The following MSRA variants were observed in gnomAD, a reference collection of about 807,000 sequenced individuals.
MSRA encodes mitochondrial peptide methionine sulfoxide reductase.
Under a neutral mutation model 31.3 loss-of-function variants are expected in MSRA, and 54 were observed. The ratio of observed to expected loss-of-function variants is 1.73; its 90% CI spans 1.39 to 2.17. The LOEUF (loss-of-function observed/expected upper bound fraction) is 2.17. Ranked by LOEUF, MSRA falls within the 30% of genes most tolerant of loss-of-function variation. The pLI is 0.00. For missense variants in MSRA, 507 were observed against 300.9 expected (o/e 1.69, Z -5.07); for synonymous variants, 169 against 116.5 (o/e 1.45, Z -2.90).
At chr8:10,309,127 A>G (rs117069721) in intron 4 of MSRA, among the ~76,000 whole-genome samples, 60 of 152,348 alleles carry the variant, frequency 3.9e-4, no homozygotes, top group Middle Eastern at 3.4e-3. Context: ...CTTCTGTACT[A>G]TCATTCTCTC....
chr8:10,223,791 C>T (rs1810737249), intron 2 of MSRA, among the ~76,000 whole-genome samples: 1 of 152,070 alleles, frequency 6.6e-6, no homozygotes, highest in African/African-American at 2.4e-5. Flanking sequence ...AAATCAAGAC[C>T]ATGGTACAAA....
intron 3 of MSRA, among the ~76,000 whole-genome samples, chr8:10,257,646 G>T (rs1798253492): frequency 1.3e-5 from 2 of 152,134 alleles, no homozygotes; most frequent in African/African-American, 4.8e-5. Flanking sequence ...GATCCCAGGT[G>T]ATTCATTTAC....
At chr8:10,185,895 A>AT (rs11438094) in intron 1 of MSRA, among the ~76,000 whole-genome samples, 16,790 of 149,474 alleles carry the variant, frequency 0.11, 1,716 homozygotes, top group African/African-American at 0.28. Context: ...ATTTCCATTC[A>AT]TTTTTTTTTT....
intron 5 of MSRA, among the ~76,000 whole-genome samples, chr8:10,341,665 TA>T (rs1386319517): frequency 6.6e-6 from 1 of 152,188 alleles, no homozygotes; most frequent in Non-Finnish European, 1.5e-5. Context: ...TGAGCCTGGA[TA>T]GGTAACTTAA....
chr8:10,294,958 A>G (rs951346682), intron 3 of MSRA, among the ~76,000 whole-genome samples: 2 of 152,140 alleles, frequency 1.3e-5, no homozygotes, highest in African/African-American at 4.8e-5. Flanking sequence ...TTGAATAGAA[A>G]GACCTTCCCT....
At chr8:10,356,908 AAATAT>A (rs1223281645) in intron 5 of MSRA, among the ~76,000 whole-genome samples, 12 of 140,676 alleles carry the variant, frequency 8.5e-5, no homozygotes, top group Admixed American at 1.5e-4. Flanking sequence ...AAAAAAAAAA[AAATAT>A]ATGTGTCTTT....
chr8:10,415,492 C>T (rs915647684), intron 5 of MSRA, among the ~76,000 whole-genome samples: 5 of 152,114 alleles, frequency 3.3e-5, no homozygotes, highest in Admixed American at 2.0e-4. Flanking sequence ...ACTGTGATTG[C>T]AGGCGATGGA....
At chr8:10,218,245 C>T (rs1414357689) in intron 2 of MSRA, among the ~76,000 whole-genome samples, 1 of 151,850 alleles carries the variant, frequency 6.6e-6, no homozygotes, top group Admixed American at 6.6e-5. Context: ...CTCCCAGGTT[C>T]AAGCGATTCT....
intron 1 of MSRA, among the ~76,000 whole-genome samples, chr8:10,142,819 A>G (rs1802825745): frequency 6.6e-6 from 1 of 152,248 alleles, no homozygotes; most frequent in African/African-American, 2.4e-5. Context: ...GATGTTTTCC[A>G]ATGCAGATTC....
intron 5 of MSRA, chr8:10,411,266 G>T (rs550239978): frequency 6.6e-6 from 1 of 152,180 alleles, no homozygotes; most frequent in Non-Finnish European, 1.5e-5. Context: ...CAGTATCACA[G>T]GAAAACAGCC....
chr8:10,410,030 C>T (rs9650651), intron 5 of MSRA, among the ~76,000 whole-genome samples: 4 of 152,040 alleles, frequency 2.6e-5, no homozygotes, highest in Non-Finnish European at 5.9e-5. Flanking sequence ...ACTGCACTCC[C>T]CCCTGGGTTA....
intron 3 of MSRA, among the ~76,000 whole-genome samples, chr8:10,260,320 G>A (rs901070574): frequency 1.6e-4 from 25 of 152,132 alleles, no homozygotes; most frequent in Non-Finnish European, 2.8e-4. Context: ...ACAGGGGCAC[G>A]GCATCCTGGT....
chr8:10,391,665 G>A (rs938156749), intron 5 of MSRA, among the ~76,000 whole-genome samples: 4 of 152,182 alleles, frequency 2.6e-5, no homozygotes, highest in East Asian at 1.9e-4. Flanking sequence ...GAGGCTGAGC[G>A]TGGGCTAGGA....
chr8:10,232,300 C>T (rs1406783372), intron 2 of MSRA, among the ~76,000 whole-genome samples: 1 of 152,152 alleles, frequency 6.6e-6, no homozygotes, highest in Non-Finnish European at 1.5e-5. Context: ...TCTTCCTACC[C>T]CATCTGTTGT....
intron 5 of MSRA, among the ~76,000 whole-genome samples, chr8:10,324,480 A>G (rs1328394437): frequency 2.0e-5 from 3 of 152,144 alleles, no homozygotes; most frequent in Admixed American, 1.3e-4. Context: ...AGAGTGCTGC[A>G]CCGGGAGCTG....
chr8:10,280,560 A>G (rs889860929), intron 3 of MSRA, among the ~76,000 whole-genome samples: 1 of 152,232 alleles, frequency 6.6e-6, no homozygotes, highest in Admixed American at 6.5e-5. Context: ...ACCCTCATAC[A>G]CTGCTGGTAT....
chr8:10,123,396 TGA>T (rs575355547), intron 1 of MSRA, among the ~76,000 whole-genome samples: 121 of 152,342 alleles, frequency 7.9e-4, no homozygotes, highest in African/African-American at 2.8e-3. Flanking sequence ...TAAATTTGTT[TGA>T]GTTTCTTATT....
chr8:10,249,173 C>A (rs1281395942), intron 3 of MSRA, among the ~76,000 whole-genome samples: 1 of 152,162 alleles, frequency 6.6e-6, no homozygotes, highest in Non-Finnish European at 1.5e-5. Context: ...GTAAAACTTT[C>A]TAATCTTTTG....
At chr8:10,113,800 T>C (rs1800474333) in intron 1 of MSRA, among the ~76,000 whole-genome samples, 1 of 152,102 alleles carries the variant, frequency 6.6e-6, no homozygotes, top group Non-Finnish European at 1.5e-5. Context: ...ATTAATTGTT[T>C]AGTGAGATCT....
Sources: allele counts gnomAD v4.1 joint callset (sites outside exome capture counted in the v4.1 genomes callset), GRCh38; gene constraint gnomAD v4.1.1; transcripts MANE v1.5; gene names NCBI Gene and HGNC (gene_info 2026-07-23, HGNC 2026-07-21).